MYH10: variants seen among roughly 807,000 people sequenced by gnomAD.
The protein encoded by MYH10 is myosin heavy chain 10.
Under a neutral mutation model 257.8 loss-of-function variants are expected in MYH10, and 55 were observed. That is an observed-to-expected ratio of 0.21 (90% CI 0.17 to 0.27). The LOEUF (loss-of-function observed/expected upper bound fraction) is 0.27, where lower values mean the gene tolerates loss of function less well. Among genes scored for constraint, MYH10 ranks in the 10% least tolerant of loss-of-function variants. The pLI is 1.00. For synonymous variants in MYH10, 854 were observed against 921.7 expected (o/e 0.93, Z 1.33); for missense variants, 1,631 against 2,500.6 (o/e 0.65, Z 7.42).
At chr17:8,577,773 C>G (rs1242001228) in intron 4 of MYH10, among the ~76,000 whole-genome samples, 1 of 152,206 alleles carries the variant, frequency 6.6e-6, no homozygotes, top group Non-Finnish European at 1.5e-5. Context: ...CTCAAGTGAT[C>G]TGCTCACCTT....
chr17:8,486,837 A>T (rs1410829152), intron 36 of MYH10, among the ~76,000 whole-genome samples: 2 of 152,224 alleles, frequency 1.3e-5, no homozygotes, highest in Non-Finnish European at 2.9e-5. Flanking sequence ...TATCATAAAT[A>T]ACAAAACTTC....
chr17:8,580,753 C>T (rs2083674222), intron 4 of MYH10, among the ~76,000 whole-genome samples: 1 of 152,144 alleles, frequency 6.6e-6, no homozygotes, highest in Non-Finnish European at 1.5e-5. Context: ...TGCAAATCAA[C>T]TTCTATGTGT....
chr17:8,497,467 C>T (rs1916809664), intron 30 of MYH10, among the ~76,000 whole-genome samples: 2 of 152,048 alleles, frequency 1.3e-5, no homozygotes, highest in Non-Finnish European at 2.9e-5. Flanking sequence ...GGGCCGGGCG[C>T]GGTGGCTCAT....
At chr17:8,538,511 T>C (rs1307026311) in intron 14 of MYH10, among the ~76,000 whole-genome samples, 1 of 152,190 alleles carries the variant, frequency 6.6e-6, no homozygotes. Flanking sequence ...TGCCTGGCCA[T>C]GTTTTTATTT....
chr17:8,624,864 G>A (rs2085610752), intron 1 of MYH10, among the ~76,000 whole-genome samples: 1 of 152,100 alleles, frequency 6.6e-6, no homozygotes, highest in Admixed American at 6.6e-5. Context: ...GACCAGCCTG[G>A]GCAACATAGC....
In MYH10 at chr17:8,477,436, A is replaced by G. The variant is rs997776040; in HGVS notation, c.5707-388T>C. Among the ~76,000 whole-genome samples, 1 of 152,116 alleles carries G rather than the reference A, an allele frequency of 6.6e-6. No homozygotes were observed. Among genetic ancestry groups the G allele is most frequent in the African/African-American group, 2.4e-5 (1 of 41,420 alleles). ...AATCCCCAGCCCAGAAGATGGTACA[A>G]TGCATCTTTACACCTCCTTTCAAGG... On this transcript the variant is annotated intron_variant, in intron 41 of 42. Coordinates refer to ENST00000360416, the MANE Select transcript of MYH10 (RefSeq NM_001256012.3). This position sits in a 1 kb window ranked among gnomAD's most constrained non-coding sequence, Gnocchi z 4.2.
rs192725254 is a variant in MYH10 at position 8,609,353 on chromosome 17, G to A, written c.346-4371C>T. 3.6e-3 allele frequency among the ~76,000 whole-genome samples: 546 copies of A among 151,314 alleles called. 5 individuals carry two copies. Among genetic ancestry groups the A allele is most frequent in the African/African-American group, 0.013 (515 of 41,198 alleles). On this transcript the variant is annotated intron_variant, in intron 2 of 42. Transcript: ENST00000360416. Reference sequence around the variant, plus strand: ...GAAGAAATCAGACCACCATCGAGAAGGAAAGGGAGGAAGGAAAGAATAATT... The same window carrying A: ...GAAGAAATCAGACCACCATCGAGAAAGAAAGGGAGGAAGGAAAGAATAATT...
chr17:8,475,888 T>C lies in MYH10; in HGVS notation c.5940A>G (p.Glu1980=). 1.2e-6 allele frequency: 2 copies of C among 1,614,238 alleles called. No homozygotes were observed. The highest frequency in any genetic ancestry group is 1.7e-6 in the Non-Finnish European group (2 of 1,180,048). Residue 1980 remains glutamate (E), a synonymous_variant, in exon 43 of 43, where the codon GAA becomes GAG. Coordinates refer to ENST00000360416, the MANE Select transcript of MYH10 (RefSeq NM_001256012.3). ...SRSGRRQLHL[E]GASLELSDDD... is the part of the protein sequence containing the mutation. The stretch of plus-strand genomic sequence containing the variant: ...CGTCGGAGAGCTCCAGGGAAGCTCC[T>C]TCAAGGTGCAGCTGGCGCCGGCCAG...
At position 8,504,567 on chromosome 17, in the gene MYH10, G is replaced by A. The variant is rs182641297; in HGVS notation, c.3599+127C>T. 17 of 777,082 alleles carry A rather than the reference G, an allele frequency of 2.2e-5. No individual in the cohort carries two copies. The highest frequency in any genetic ancestry group is 8.7e-5 in the African/African-American group (5 of 57,328). The allele number at this position is 777,082 out of a possible 1,614,324, so 48.1% of individuals were successfully genotyped here. On this transcript the variant is annotated intron_variant, in intron 28 of 42. Transcript: ENST00000360416. The surrounding 1 kb of genome is among the most constrained non-coding windows in gnomAD (Gnocchi z 5.6). ...TTCTAACCATTACCATTTAATCACCGTTCCACCTGCCATCACAAGGAAAAG... is the reference window on the plus strand; with the variant it reads ...TTCTAACCATTACCATTTAATCACCATTCCACCTGCCATCACAAGGAAAAG...
intron 7 of MYH10, among the ~76,000 whole-genome samples, chr17:8,565,873 T>C (rs1445156314): frequency 6.6e-6 from 1 of 152,216 alleles, no homozygotes; most frequent in Non-Finnish European, 1.5e-5. Context: ...ATAGGATGTA[T>C]ACATAACAAG....
At chr17:8,629,010 A>G (rs2085788610) in intron 1 of MYH10, among the ~76,000 whole-genome samples, 1 of 152,262 alleles carries the variant, frequency 6.6e-6, no homozygotes, top group African/African-American at 2.4e-5. Context: ...TGAATTTAAG[A>G]TGCAGAAGTA....
chr17:8,569,617 G>A lies in MYH10; in HGVS notation c.756+103C>T, dbSNP rs905349850. ...TATGTCTACAGAACTACATCTATTA[G>A]CTTCTTAAAATCTAGGAAGAAAAGT... On this transcript the variant is annotated intron_variant, in intron 7 of 42. Transcript: ENST00000360416. The surrounding 1 kb of genome is among the most constrained non-coding windows in gnomAD (Gnocchi z 4.1). The A allele has an allele frequency of 1.3e-6, 1 of 797,030 alleles. No individual in the cohort carries two copies. The highest frequency in any genetic ancestry group is 3.1e-5 in the Admixed American group (1 of 31,902). 49.4% of individuals were successfully genotyped at this position (797,030 alleles called of 1,614,324 possible).
At chr17:8,507,080 C>T (rs1461500341) in intron 26 of MYH10, among the ~76,000 whole-genome samples, 1 of 152,218 alleles carries the variant, frequency 6.6e-6, no homozygotes, top group Non-Finnish European at 1.5e-5. Context: ...CCTTTGTGTT[C>T]TCCACCAGGA....
In MYH10 at chr17:8,592,933, CTATATATATATATATATATATATATA is replaced by C. The variant is rs71159601; in HGVS notation, c.503-3851_503-3826del. The stretch of plus-strand genomic sequence containing the variant: ...CAAAATGTTGGTAAATCAAATCCAG[CTATATATATATATATATATATATATA>C]TATATATATATAAAAGATGATGCAC... On this transcript the variant is annotated intron_variant, in intron 3 of 42. Coordinates refer to ENST00000360416, the MANE Select transcript of MYH10 (RefSeq NM_001256012.3). Among the ~76,000 whole-genome samples the C allele has an allele frequency of 1.1e-3, 47 of 44,712 alleles. 9 individuals carry two copies. Among genetic ancestry groups the C allele is most frequent in the Non-Finnish European group, 8.5e-4 (19 of 22,280 alleles). The allele number at this position is 44,712 out of a possible 152,430, so 29.3% of individuals were successfully genotyped here.
intron 4 of MYH10, among the ~76,000 whole-genome samples, chr17:8,578,497 C>A (rs1014175270): frequency 1.3e-5 from 2 of 151,962 alleles, no homozygotes; most frequent in Non-Finnish European, 2.9e-5. Context: ...ACCTGCCCAG[C>A]CTGTGTTTTG....
chr17:8,580,123 C>A (rs1226889401), intron 4 of MYH10, among the ~76,000 whole-genome samples: 1 of 151,478 alleles, frequency 6.6e-6, no homozygotes, highest in Non-Finnish European at 1.5e-5. Context: ...CGAGACTTCA[C>A]CTGAAAAAAA....
chr17:8,531,674 A>T (rs2082008026), intron 16 of MYH10, among the ~76,000 whole-genome samples: 1 of 151,534 alleles, frequency 6.6e-6, no homozygotes, highest in Non-Finnish European at 1.5e-5. Flanking sequence ...TACAGGCGTG[A>T]GCCACCGTGC....
rs1324074616 is a variant in MYH10, at chr17:8,560,569, G to C, written c.757-6551C>G. On this transcript the variant is annotated intron_variant, in intron 7 of 42. Transcript: ENST00000360416. The stretch of plus-strand genomic sequence containing the variant: ...GTTTGCCGACAAAGTTCCAAAAACA[G>C]TGGAAAACTTTCGTGCACTGAGCAC... 10 of 805,062 alleles carry C rather than the reference G, an allele frequency of 1.2e-5. No homozygotes were observed. In the African/African-American group the frequency reaches 1.7e-4, roughly 14 times the overall value. The allele number at this position is 805,062 out of a possible 1,614,324, so 49.9% of individuals were successfully genotyped here.
Position 8,483,100 on chromosome 17 carries a change from G to A in MYH10, c.5175+1038C>T, listed in dbSNP as rs572702123. Reference sequence around the variant, plus strand: ...TGCCATACATTTGGAAATTTAAACCGCAAGCTTAAATTATTCACAGGATGA... The same window carrying A: ...TGCCATACATTTGGAAATTTAAACCACAAGCTTAAATTATTCACAGGATGA... On this transcript the variant is annotated intron_variant, in intron 37 of 42. Transcript: ENST00000360416. Among the ~76,000 whole-genome samples the A allele has an allele frequency of 8.8e-4, 134 of 152,200 alleles. 1 individual carries two copies. The highest frequency in any genetic ancestry group is 1.4e-3 in the Non-Finnish European group (93 of 68,028).
Sources: gnomAD v4.1 joint callset for allele counts (sites outside exome capture counted in the v4.1 genomes callset) on GRCh38, gnomAD v4.1.1 for gene constraint, Gnocchi (gnomAD v3.1) non-coding constraint, MANE v1.5 for transcripts, NCBI Gene and HGNC (gene_info 2026-07-23, HGNC 2026-07-21) for gene names.